TLK1: variants seen among roughly 807,000 people sequenced by gnomAD.
TLK1 encodes the protein serine/threonine-protein kinase tousled-like 1.
In TLK1, 24 loss-of-function variants were observed where a neutral mutation model predicts 105.3. The ratio of observed to expected loss-of-function variants is 0.23; its 90% confidence interval spans 0.17 to 0.32. The LOEUF (loss-of-function observed/expected upper bound fraction) is 0.32. TLK1 is among the 10% of genes least tolerant of loss of function. The probability of loss-of-function intolerance (pLI) is 1.00; values close to 1 mark genes in which losing one functional copy is unlikely to be tolerated. For synonymous variants in TLK1, 321 were observed against 310.4 expected, an observed-to-expected ratio of 1.03 and a Z score of -0.36; for missense variants, 558 against 910.5, an observed-to-expected ratio of 0.61 and a Z score of 4.98.
At chr2:171,022,084 AAAACACACAC>A (rs1390348941) in intron 12 of TLK1, among the ~76,000 whole-genome samples, 17 of 14,886 alleles carry the variant, frequency 1.1e-3, no homozygotes, top group Admixed American at 8.2e-3. Context: ...GCCTGGGCGA[AAAACACACAC>A]ACACACACAC....
intron 11 of TLK1, chr2:171,045,594 T>C (rs1025647099): frequency 6.6e-6 from 1 of 152,196 alleles, no homozygotes; most frequent in Non-Finnish European, 1.5e-5. Flanking sequence ...CATCTGTATA[T>C]TGAAATTTTA....
At chr2:171,136,977 C>T (rs1691352095) in intron 1 of TLK1, among the ~76,000 whole-genome samples, 1 of 152,194 alleles carries the variant, frequency 6.6e-6, no homozygotes, top group African/African-American at 2.4e-5. Flanking sequence ...TTGTCTATGG[C>T]TGCACTTTAC....
At chr2:171,217,916 C>T (rs1693743162) in intron 1 of TLK1, among the ~76,000 whole-genome samples, 1 of 152,168 alleles carries the variant, frequency 6.6e-6, no homozygotes, top group African/African-American at 2.4e-5. Context: ...GTATTAGTTT[C>T]CTATGGCTGC....
chr2:171,000,963 T>A (rs1684337418), intron 18 of TLK1, among the ~76,000 whole-genome samples: 1 of 152,206 alleles, frequency 6.6e-6, no homozygotes, highest in Non-Finnish European at 1.5e-5. Context: ...GAGGGGTGTC[T>A]TTTAGCTCTT....
chr2:171,216,403 G>A (rs1396716821), intron 1 of TLK1, among the ~76,000 whole-genome samples: 1 of 152,172 alleles, frequency 6.6e-6, no homozygotes, highest in African/African-American at 2.4e-5. Flanking sequence ...ATGAACCCGG[G>A]AGGTGGAGCT....
chr2:171,153,467 A>G (rs995999593), intron 1 of TLK1, among the ~76,000 whole-genome samples: 1 of 152,260 alleles, frequency 6.6e-6, no homozygotes, highest in African/African-American at 2.4e-5. Context: ...TGTATGTGAA[A>G]CAGTCCTTTG....
intron 20 of TLK1, among the ~76,000 whole-genome samples, chr2:170,995,950 G>A (rs1378928802): frequency 2.0e-5 from 3 of 152,124 alleles, no homozygotes; most frequent in African/African-American, 7.2e-5. Flanking sequence ...CAATCTGCCT[G>A]CCTGGGCCTC....
chr2:171,140,626 A>G (rs756101128), intron 1 of TLK1, among the ~76,000 whole-genome samples: 4 of 152,238 alleles, frequency 2.6e-5, no homozygotes, highest in Non-Finnish European at 5.9e-5. Context: ...GTGAATTAAG[A>G]AAAGCAGATT....
intron 1 of TLK1, among the ~76,000 whole-genome samples, chr2:171,169,602 T>C (rs1692687406): frequency 6.6e-6 from 1 of 152,186 alleles, no homozygotes; most frequent in Non-Finnish European, 1.5e-5. Flanking sequence ...TTAAGAGTGG[T>C]TGTCTTTCTG....
chr2:171,108,580 T>C (rs755640999), intron 2 of TLK1, among the ~76,000 whole-genome samples: 2 of 152,168 alleles, frequency 1.3e-5, no homozygotes, highest in East Asian at 1.9e-4. Flanking sequence ...AAAAAACATA[T>C]GCTGTCTACA....
At chr2:170,997,624 T>G in intron 19 of TLK1, 88 bp downstream of exon 19, 1 of 705,696 alleles carries the variant, frequency 1.4e-6, no homozygotes. Context: ...CTAAATTGAC[T>G]TTAAGTTAGT....
chr2:171,109,376 T>C (rs967598554), intron 2 of TLK1, among the ~76,000 whole-genome samples: 1 of 152,118 alleles, frequency 6.6e-6, no homozygotes, highest in Non-Finnish European at 1.5e-5. Context: ...TTATGAAATA[T>C]ACAGATCTGA....
intron 1 of TLK1, among the ~76,000 whole-genome samples, chr2:171,228,983 G>T (rs1693946438): frequency 6.6e-6 from 1 of 152,206 alleles, no homozygotes. Context: ...AAGCTAATTA[G>T]ATTCATGCAC....
At chr2:171,024,818 T>C (rs906686111) in intron 12 of TLK1, among the ~76,000 whole-genome samples, 2 of 152,200 alleles carry the variant, frequency 1.3e-5, no homozygotes, top group Non-Finnish European at 1.5e-5. Context: ...TGTAATTCCG[T>C]TAAAATGGGA....
rs1341115305 is a variant in TLK1, at chr2:171,014,968, A to T, written c.1237-20T>A. 1 of 1,556,636 alleles carries T rather than the reference A, an allele frequency of 6.4e-7. No homozygotes were observed. The highest frequency in any genetic ancestry group is 8.9e-7 in the Non-Finnish European group (1 of 1,129,774). On this transcript the variant is annotated intron_variant, in intron 12 of 20. Transcript: ENST00000431350. ...CTCTTCCTGAAAATGAAGAGAGGGG[A>T]CTATAACAAGCTCAATTTATTTGCG...
At chr2:171,042,331 A>G (rs1686720122) in intron 11 of TLK1, among the ~76,000 whole-genome samples, 1 of 152,142 alleles carries the variant, frequency 6.6e-6, no homozygotes, top group African/African-American at 2.4e-5. Context: ...ACTGTAATCA[A>G]ACTCCTGGGC....
chr2:171,067,884 T>C (rs1322659811), intron 3 of TLK1, among the ~76,000 whole-genome samples: 1 of 152,144 alleles, frequency 6.6e-6, no homozygotes, highest in Admixed American at 6.5e-5. Context: ...TGGTCTTCTG[T>C]TCTTGTGTTA....
rs1575505926 is a variant in TLK1 at position 171,006,076 on chromosome 2, A to G, written c.1904+71T>C. 3 of 1,411,736 alleles carry G rather than the reference A, an allele frequency of 2.1e-6. No individual in the cohort carries two copies. In the Admixed American group the frequency reaches 7.4e-5, roughly 35 times the overall value. The allele number at this position is 1,411,736 out of a possible 1,614,324, so 87.5% of individuals were successfully genotyped here. A position where few individuals can be genotyped will look rare whatever the true frequency, so the allele number is the denominator to read the frequency against. ...TAATGGCTACATGGAAATAAAAAAAAAAACACTAAATTATTATAAAAGCAC... is the reference window on the plus strand; with the variant it reads ...TAATGGCTACATGGAAATAAAAAAAGAAACACTAAATTATTATAAAAGCAC... On this transcript the variant is annotated intron_variant, in intron 18 of 20. Transcript: ENST00000431350.
At position 171,082,849 on chromosome 2, in the gene TLK1, A is replaced by G. The variant is rs111581667; in HGVS notation, c.262T>C (p.Ser88Pro). 6.2e-7 allele frequency: 1 copy of G among 1,603,052 alleles called. No homozygotes were observed. Among genetic ancestry groups the G allele is most frequent in the Non-Finnish European group, 8.5e-7 (1 of 1,176,682 alleles). Reference sequence around the variant, plus strand: ...TGATTAGAGCTTTCGTTATTTGTTGAGGCCTGTTAAAGATTTTTTAAAAGG... The same window carrying G: ...TGATTAGAGCTTTCGTTATTTGTTGGGGCCTGTTAAAGATTTTTTAAAAGG... ...TGSCSVGAKA[S>P]TNNESSNHSF... is the part of the protein sequence containing the mutation. The change falls in exon 3 of 21, where the codon TCA (serine) becomes CCA (proline). Residue 88 changes from serine (S) to proline (P), a missense_variant. Ser to Pro is a moderately conservative substitution (Grantham distance 74, BLOSUM62 -1). Coordinates refer to ENST00000431350, the MANE Select transcript of TLK1 (RefSeq NM_012290.5).
Sources: gnomAD v4.1 joint callset for allele counts (sites outside exome capture counted in the v4.1 genomes callset) on GRCh38, gnomAD v4.1.1 for gene constraint, MANE v1.5 for transcripts, NCBI Gene and HGNC (gene_info 2026-07-23, HGNC 2026-07-21) for gene names.